SF3A2: variants seen among roughly 807,000 people sequenced by gnomAD.
The protein encoded by SF3A2 is SAP 62.
In SF3A2, 5 loss-of-function variants were observed where a neutral mutation model predicts 31.1. The ratio of observed to expected loss-of-function variants is 0.16; its 90% confidence interval spans 0.08 to 0.34. The LOEUF is 0.34. SF3A2 is among the 10% of genes least tolerant of loss of function. The probability of loss-of-function intolerance (pLI) is 1.00; values close to 1 mark genes in which losing one functional copy is unlikely to be tolerated. For missense variants in SF3A2, 577 were observed against 643.9 expected, an observed-to-expected ratio of 0.90 and a Z score of 1.13; for synonymous variants, 365 against 263.7, an observed-to-expected ratio of 1.38 and a Z score of -3.72.
In SF3A2 at chr19:2,247,975, C is replaced by A; in HGVS notation, c.824C>A (p.Pro275Gln). 3 of 1,059,132 alleles carry A rather than the reference C, an allele frequency of 2.8e-6. No homozygotes were observed. The highest frequency in any genetic ancestry group is 4.2e-6 in the Non-Finnish European group (3 of 709,994). 65.6% of individuals were successfully genotyped at this position (1,059,132 alleles called of 1,614,324 possible). ...ACAGGGCCTGCGCCCTCAGGGCCCC[C>A]GGGACCACCCCAGCTACCCCCGCCA... The part of the protein sequence containing the change: ...PPTGPAPSGP[P>Q]GPPQLPPPAP... The change falls in exon 9 of 9, where the codon CCG becomes CAG. Residue 275 changes from proline (P) to glutamine (Q), a missense_variant. Transcript: ENST00000221494.
At position 2,248,033 on chromosome 19, in the gene SF3A2, G is replaced by T; in HGVS notation, c.882G>T (p.Val294=). ...APGVHPPAPV[V]HPPASGVHPP... is the part of the protein sequence containing the mutation. ...GGGTCCACCCCCCGGCCCCAGTGGTGCATCCCCCTGCATCTGGGGTCCATC... is the reference window on the plus strand; with the variant it reads ...GGGTCCACCCCCCGGCCCCAGTGGTTCATCCCCCTGCATCTGGGGTCCATC... The change falls in exon 9 of 9, where the codon GTG becomes GTT. Residue 294 remains valine (V), a synonymous_variant. Coordinates refer to ENST00000221494, the MANE Select transcript of SF3A2 (RefSeq NM_007165.5). The T allele has an allele frequency of 1.1e-6, 1 of 945,236 alleles. No homozygotes were observed. The highest frequency in any genetic ancestry group is 2.6e-5 in the East Asian group (1 of 37,896). The allele number at this position is 945,236 out of a possible 1,614,324, so 58.6% of individuals were successfully genotyped here.
chr19:2,241,335 G>C (rs532383042), intron 1 of SF3A2, among the ~76,000 whole-genome samples: 1 of 152,322 alleles, frequency 6.6e-6, no homozygotes, highest in East Asian at 1.9e-4. Flanking sequence ...TCGGTGCTGA[G>C]ATGCGTGGAG....
chr19:2,239,702 G>A (rs1056987734), intron 1 of SF3A2, among the ~76,000 whole-genome samples: 1 of 151,962 alleles, frequency 6.6e-6, no homozygotes, highest in East Asian at 1.9e-4. Context: ...ATTTTGTTGG[G>A]TGTTTTTTCA....
rs1440844519 is a variant in SF3A2, at chr19:2,248,187, C to T, written c.1036C>T (p.Pro346Ser). 1 of 1,452,400 alleles carries T rather than the reference C, an allele frequency of 6.9e-7. No individual in the cohort carries two copies. The highest frequency in any genetic ancestry group is 9.3e-7 in the Non-Finnish European group (1 of 1,075,566). The allele number at this position is 1,452,400 out of a possible 1,614,324, so 90.0% of individuals were successfully genotyped here. A position where few individuals can be genotyped will look rare whatever the true frequency, so the allele number is the denominator to read the frequency against. ...VHPPAPGVHP[P>S]APGVHPPAPG... ...CCCTCCAGCCCCCGGGGTTCACCCA[C>T]CAGCCCCCGGAGTCCACCCACCAGC... Residue 346 changes from proline to serine, a missense_variant, in exon 9 of 9, where the codon CCA (proline) becomes TCA (serine). By Grantham distance (74) the Pro-to-Ser change is moderately conservative. Around this residue, in one of 6 missense-constraint regions of SF3A2, gnomAD observed 462 missense variants for 339.1 expected, o/e 1.36. Coordinates refer to ENST00000221494, the MANE Select transcript of SF3A2 (RefSeq NM_007165.5).
Position 2,248,000 on chromosome 19 carries a change from A to G in SF3A2, c.849A>G (p.Pro283=). The stretch of plus-strand genomic sequence containing the variant: ...CGGGACCACCCCAGCTACCCCCGCC[A>G]GCTCCAGGGGTCCACCCCCCGGCCC... ...GPPGPPQLPP[P]APGVHPPAPV... is the part of the protein sequence containing the mutation. The change falls in exon 9 of 9, where the codon CCA becomes CCG. Residue 283 remains proline, a synonymous_variant. Coordinates refer to ENST00000221494, the MANE Select transcript of SF3A2 (RefSeq NM_007165.5). The G allele has an allele frequency of 1.4e-6, 1 of 695,122 alleles. No individual in the cohort carries two copies. The highest frequency in any genetic ancestry group is 2.1e-6 in the Non-Finnish European group (1 of 466,994). 43.1% of individuals were successfully genotyped at this position (695,122 alleles called of 1,614,324 possible). A position where few individuals can be genotyped will look rare whatever the true frequency, so the allele number is the denominator to read the frequency against.
Position 2,248,366 on chromosome 19 carries a change from G to A in SF3A2, c.1215G>A (p.Pro405=), listed in dbSNP as rs757088628. The change falls in exon 9 of 9, where the codon CCG becomes CCA. Residue 405 remains proline, a synonymous_variant. Coordinates refer to ENST00000221494, the MANE Select transcript of SF3A2 (RefSeq NM_007165.5). ...PPAPGMHPQA[P]GVHPQPPGVH... ...CCCCAGGGATGCACCCTCAGGCCCC[G>A]GGGGTCCACCCCCAACCTCCCGGGG... 6.9e-5 allele frequency: 94 copies of A among 1,354,916 alleles called. 1 individual carries two copies. In the East Asian group the frequency reaches 1.4e-3, roughly 20 times the overall value. 83.9% of individuals were successfully genotyped at this position (1,354,916 alleles called of 1,614,324 possible).
At chr19:2,244,853 C>T (rs1030964550) in intron 4 of SF3A2, 74 bp downstream of exon 4, 19 of 1,395,820 alleles carry the variant, frequency 1.4e-5, no homozygotes, top group South Asian at 7.2e-5. Context: ...GCCTCGCGGG[C>T]CACTGCTCCA....
At chr19:2,237,529 G>A (rs1401484805) in intron 1 of SF3A2, 2 of 152,234 alleles carry the variant, frequency 1.3e-5, no homozygotes, top group Non-Finnish European at 2.9e-5. Context: ...GCTGCAGTGA[G>A]TTGTGATTGT....
chr19:2,242,845 TACTC>T (rs1468840346), intron 1 of SF3A2, among the ~76,000 whole-genome samples: 1 of 152,132 alleles, frequency 6.6e-6, no homozygotes, highest in East Asian at 1.9e-4. Context: ...TCCCAGGTGT[TACTC>T]AGTGAGGATG....
At chr19:2,247,101 C>A in intron 7 of SF3A2, 79 bp downstream of exon 7, 1 of 1,547,552 alleles carries the variant, frequency 6.5e-7, no homozygotes, top group Non-Finnish European at 8.6e-7. Context: ...GCAGGATGCC[C>A]CTCCCATCGG....
intron 2 of SF3A2, among the ~76,000 whole-genome samples, chr19:2,243,989 C>T (rs2024911120): frequency 6.6e-6 from 1 of 152,180 alleles, no homozygotes; most frequent in Admixed American, 6.5e-5. Flanking sequence ...GTTACCGTCC[C>T]CGTCTTCCAG....
At position 2,240,281 on chromosome 19, in the gene SF3A2, C is replaced by T. The variant is rs537563559; in HGVS notation, c.-37-3101C>T. Among the ~76,000 whole-genome samples the T allele has an allele frequency of 2.0e-5, 3 of 152,328 alleles. No homozygotes were observed. The South Asian group carries it at 6.2e-4, about 32-fold the overall frequency. ...CCCAGGCGGCAGGTCGTGATTCAGT[C>T]CCCCCTTTTCAGCCTGACCCTGGAC... On this transcript the variant is annotated intron_variant, in intron 1 of 8. Coordinates refer to ENST00000221494, the MANE Select transcript of SF3A2 (RefSeq NM_007165.5).
At chr19:2,241,109 C>T (rs1222437108) in intron 1 of SF3A2, among the ~76,000 whole-genome samples, 5 of 152,140 alleles carry the variant, frequency 3.3e-5, no homozygotes, top group South Asian at 2.1e-4. Flanking sequence ...GGAGAGGCCA[C>T]GACAGGGACA....
chr19:2,248,048 T>C lies in SF3A2; in HGVS notation c.897T>C (p.Ser299=), dbSNP rs1164502087. 2 of 909,730 alleles carry C rather than the reference T, an allele frequency of 2.2e-6. No individual in the cohort carries two copies. Among genetic ancestry groups the C allele is most frequent in the Non-Finnish European group, 3.4e-6 (2 of 593,976 alleles). 56.4% of individuals were successfully genotyped at this position (909,730 alleles called of 1,614,324 possible). A position where few individuals can be genotyped will look rare whatever the true frequency, so the allele number is the denominator to read the frequency against. The part of the protein sequence containing the change: ...PPAPVVHPPA[S]GVHPPAPGVH... ...CCCCAGTGGTGCATCCCCCTGCATC[T>C]GGGGTCCATCCCCCAGCTCCTGGCG... Residue 299 remains serine (S), a synonymous_variant, in exon 9 of 9, where the codon TCT becomes TCC. Coordinates refer to ENST00000221494, the MANE Select transcript of SF3A2 (RefSeq NM_007165.5).
Position 2,247,599 on chromosome 19 carries a change from G to C in SF3A2, c.552G>C (p.Pro184=). 6.2e-7 allele frequency: 1 copy of C among 1,613,286 alleles called. No homozygotes were observed. The highest frequency in any genetic ancestry group is 1.1e-5 in the South Asian group (1 of 91,080). Residue 184 remains proline, a synonymous_variant, in exon 8 of 9, where the codon CCG becomes CCC. Coordinates refer to ENST00000221494, the MANE Select transcript of SF3A2 (RefSeq NM_007165.5). ...TCTGTCCCCCGCCCTCCCAGGTGCC[G>C]AGCAGAGAGATCGACAAGGCGGAGG... The part of the protein sequence containing the change: ...EPYETIAFKV[P]SREIDKAEGK...
intron 1 of SF3A2, 145 bp from the exon 2 acceptor site, chr19:2,243,237 C>T (rs1027512668): frequency 1.8e-6 from 1 of 560,664 alleles, no homozygotes; most frequent in Non-Finnish European, 3.0e-6. Flanking sequence ...TATGGGGTGG[C>T]CCCCTCAGGG....
chr19:2,245,061 C>T lies in SF3A2; in HGVS notation c.245+282C>T. ...TTAGGCCAGGCATGGTGGCACACGT[C>T]TGTAATCACAGCTACTATGGAGGCT... On this transcript the variant is annotated intron_variant, in intron 4 of 8. Transcript: ENST00000221494. This position sits in a 1 kb window ranked among gnomAD's most constrained non-coding sequence, Gnocchi z 4.2. 3.7e-6 allele frequency: 2 copies of T among 541,956 alleles called. No homozygotes were observed. The highest frequency in any genetic ancestry group is 6.6e-6 in the Non-Finnish European group (2 of 302,972). 33.6% of individuals were successfully genotyped at this position (541,956 alleles called of 1,614,324 possible). A position where few individuals can be genotyped will look rare whatever the true frequency, so the allele number is the denominator to read the frequency against.
chr19:2,248,320 C>A lies in SF3A2; in HGVS notation c.1169C>A (p.Ala390Asp). The change falls in exon 9 of 9, where the codon GCC becomes GAC. Residue 390 changes from alanine to aspartate, a missense_variant. By Grantham distance (126) the Ala-to-Asp change is moderately radical. Around this residue, in one of 6 missense-constraint regions of SF3A2, gnomAD observed 462 missense variants for 339.1 expected, o/e 1.36. Coordinates refer to ENST00000221494, the MANE Select transcript of SF3A2 (RefSeq NM_007165.5). Reference sequence around the variant, plus strand: ...GCAGCCCCCGCCGTTCACCCTCAGGCCCCAGGGGTGCACCCACCAGCCCCA... The same window carrying A: ...GCAGCCCCCGCCGTTCACCCTCAGGACCCAGGGGTGCACCCACCAGCCCCA... ...HPAAPAVHPQ[A>D]PGVHPPAPGM... 1 of 1,399,300 alleles carries A rather than the reference C, an allele frequency of 7.1e-7. No homozygotes were observed. The highest frequency in any genetic ancestry group is 9.3e-7 in the Non-Finnish European group (1 of 1,079,026). 86.7% of individuals were successfully genotyped at this position (1,399,300 alleles called of 1,614,324 possible). A position where few individuals can be genotyped will look rare whatever the true frequency, so the allele number is the denominator to read the frequency against.
At position 2,247,237 on chromosome 19, in the gene SF3A2, A is replaced by G. The variant is rs1226210206; in HGVS notation, c.546+215A>G. On this transcript the variant is annotated intron_variant, in intron 7 of 8. Coordinates refer to ENST00000221494, the MANE Select transcript of SF3A2 (RefSeq NM_007165.5). The stretch of plus-strand genomic sequence containing the variant: ...GGCTCCACTGGGCCAATGAGAAGGG[A>G]GGCCGGCAGGGCTGAGCGCCAGGCC... 10 of 119,908 alleles carry G rather than the reference A, an allele frequency of 8.3e-5. No homozygotes were observed. In the East Asian group the frequency reaches 1.3e-3, roughly 15 times the overall value. The allele number at this position is 119,908 out of a possible 1,614,324, so 7.4% of individuals were successfully genotyped here.
Sources: gnomAD v4.1 joint callset for allele counts (sites outside exome capture counted in the v4.1 genomes callset) on GRCh38, gnomAD v4.1.1 for gene constraint, gnomAD v4.1.1 regional missense constraint, Gnocchi (gnomAD v3.1) non-coding constraint, MANE v1.5 for transcripts, NCBI Gene and HGNC (gene_info 2026-07-23, HGNC 2026-07-21) for gene names.